The following MRC1 variants were observed in gnomAD, a reference collection of about 807,000 sequenced individuals.
MRC1 encodes mannose receptor C-type 1, also known as macrophage mannose receptor 1.
In MRC1, 62 loss-of-function variants were observed where a neutral mutation model predicts 102.9. The ratio of observed to expected loss-of-function variants is 0.60; its 90% CI spans 0.49 to 0.74. The LOEUF (loss-of-function observed/expected upper bound fraction) is 0.74, where lower values mean the gene tolerates loss of function less well. Among genes scored for constraint, MRC1 ranks in the 30% least tolerant of loss-of-function variants. MRC1 has a pLI of 0.00. For synonymous variants in MRC1, 457 were observed against 298.4 expected, an observed-to-expected ratio of 1.53 and a Z score of -5.48; for missense variants, 1,237 against 862.8, an observed-to-expected ratio of 1.43 and a Z score of -5.43.
At chr10:17,828,051 A>G (rs1838508265) in intron 3 of MRC1, among the ~76,000 whole-genome samples, 5 of 152,100 alleles carry the variant, frequency 3.3e-5, no homozygotes. Flanking sequence ...TGGTCCCAAC[A>G]TTCCCTCCAT....
intron 6 of MRC1, 72 bp downstream of exon 6, chr10:17,845,507 G>A: frequency 2.6e-6 from 2 of 772,484 alleles, no homozygotes; most frequent in Non-Finnish European, 4.8e-6. Flanking sequence ...CAGCTTAGGT[G>A]TAACTGTTGG....
Position 17,900,848 on chromosome 10 carries a change from G to C in MRC1, c.3544G>C (p.Asp1182His). ...WRVRYTNWAA[D>H]EPKLKSACVY... ...GGTGAGGTACACTAACTGGGCTGCT[G>C]ATGAGCCCAAATTGAAATCAGCATG... Residue 1182 changes from aspartate to histidine, a missense_variant, in exon 25 of 30, where the codon GAT becomes CAT. Transcript: ENST00000569591. 1 of 780,812 alleles carries C rather than the reference G, an allele frequency of 1.3e-6. No individual in the cohort carries two copies. The highest frequency in any genetic ancestry group is 1.3e-5 in the South Asian group (1 of 74,614). The allele number at this position is 780,812 out of a possible 1,614,324, so 48.4% of individuals were successfully genotyped here.
Position 17,904,610 on chromosome 10 carries a change from G to A in MRC1, c.3800-2276G>A, listed in dbSNP as rs1170317034. The stretch of plus-strand genomic sequence containing the variant: ...GTGGTAGGTGCAGATTTCTTTAAGT[G>A]CCTAGAACTAATGAAGTCTCCCAGG... On this transcript the variant is annotated intron_variant, in intron 26 of 29. Coordinates refer to ENST00000569591, the MANE Select transcript of MRC1 (RefSeq NM_002438.4). Among the ~76,000 whole-genome samples, 3 of 152,130 alleles carry A rather than the reference G, an allele frequency of 2.0e-5. No homozygotes were observed. In the East Asian group the frequency reaches 5.8e-4, roughly 29 times the overall value.
At chr10:17,828,913 G>C (rs1554838860) in intron 3 of MRC1, among the ~76,000 whole-genome samples, 1 of 151,302 alleles carries the variant, frequency 6.6e-6, no homozygotes, top group Middle Eastern at 3.2e-3. Context: ...GGCAGAGCTG[G>C]GGCTGAGGAA....
intron 3 of MRC1, among the ~76,000 whole-genome samples, chr10:17,830,900 A>ATT (rs35578287): frequency 5.9e-5 from 8 of 135,412 alleles, no homozygotes; most frequent in African/African-American, 1.8e-4. Context: ...ATATATATAT[A>ATT]TTTTTGGAGA....
chr10:17,859,395 G>A (rs955993505), intron 9 of MRC1, among the ~76,000 whole-genome samples: 106 of 152,178 alleles, frequency 7.0e-4, no homozygotes, highest in African/African-American at 2.3e-3. Context: ...TCGGCTCAGC[G>A]CAACCTCTAC....
chr10:17,872,055 G>A lies in MRC1; in HGVS notation c.2273G>A (p.Gly758Asp). The A allele has an allele frequency of 1.3e-6, 1 of 780,654 alleles. No individual in the cohort carries two copies. The highest frequency in any genetic ancestry group is 2.4e-6 in the Non-Finnish European group (1 of 417,854). The allele number at this position is 780,654 out of a possible 1,614,324, so 48.4% of individuals were successfully genotyped here. A position where few individuals can be genotyped will look rare whatever the true frequency, so the allele number is the denominator to read the frequency against. Residue 758 changes from glycine (G) to aspartate (D), a missense_variant, in exon 15 of 30, where the codon GGT (glycine) becomes GAT (aspartate). Transcript: ENST00000569591. The stretch of plus-strand genomic sequence containing the variant: ...GTTGAATACTGTGGTGAGCTGAAAG[G>A]TGACCCTACTATGTCTTGGAATGAT... ...QNVEYCGELK[G>D]DPTMSWNDIN...
chr10:17,835,914 G>T (rs953426106), intron 4 of MRC1, among the ~76,000 whole-genome samples: 76 of 152,340 alleles, frequency 5.0e-4, no homozygotes, highest in Non-Finnish European at 9.1e-4. Context: ...GCAGCTGGTT[G>T]AAAGACCATA....
intron 17 of MRC1, among the ~76,000 whole-genome samples, chr10:17,876,807 C>A (rs1833443568): frequency 6.6e-6 from 1 of 152,020 alleles, no homozygotes; most frequent in African/African-American, 2.4e-5. Flanking sequence ...AATTGTGATA[C>A]CATTGATATA....
intron 12 of MRC1, among the ~76,000 whole-genome samples, chr10:17,868,061 A>G (rs1833302350): frequency 6.6e-6 from 1 of 152,184 alleles, no homozygotes; most frequent in South Asian, 2.1e-4. Context: ...CAAACAGACA[A>G]AAAAAGAAAC....
chr10:17,854,695 A>G, intron 8 of MRC1: 1 of 219,450 alleles, frequency 4.6e-6, no homozygotes, highest in Non-Finnish European at 9.2e-6. Context: ...TTATTTATTT[A>G]TTTATTTATT....
In MRC1 at chr10:17,901,689, CA is replaced by C. The variant is rs35703196; in HGVS notation, c.3650-271del. Among the ~76,000 whole-genome samples, 296 of 136,842 alleles carry C rather than the reference CA, an allele frequency of 2.2e-3. 2 individuals are homozygous for C. Among genetic ancestry groups the C allele is most frequent in the South Asian group, 5.2e-3 (22 of 4,214 alleles). The allele number at this position is 136,842 out of a possible 152,430, so 89.8% of individuals were successfully genotyped here. On this transcript the variant is annotated intron_variant, in intron 25 of 29. Coordinates refer to ENST00000569591, the MANE Select transcript of MRC1 (RefSeq NM_002438.4). ...GGGGGACAGGAGCAAGACTTCGTCTCAAAAAAAAAAAAATTATCTTTGTAGG... is the reference window on the plus strand; with the variant it reads ...GGGGGACAGGAGCAAGACTTCGTCTCAAAAAAAAAAAATTATCTTTGTAGG...
In MRC1 at chr10:17,864,599, C is replaced by T. The variant is rs1485148974; in HGVS notation, c.1783+917C>T. On this transcript the variant is annotated intron_variant, in intron 11 of 29. Transcript: ENST00000569591. ...ATCTCAACACTTTGGGAGGCAGAGG[C>T]GGGCAGATCACCTGAGGTCAGTAGT... Among the ~76,000 whole-genome samples, 4 of 151,876 alleles carry T rather than the reference C, an allele frequency of 2.6e-5. No homozygotes were observed. The South Asian group carries it at 6.2e-4, about 24-fold the overall frequency.
At chr10:17,888,434 T>C (rs918458779) in intron 22 of MRC1, among the ~76,000 whole-genome samples, 2 of 152,208 alleles carry the variant, frequency 1.3e-5, no homozygotes, top group Non-Finnish European at 2.9e-5. Flanking sequence ...GGGTTAAAGA[T>C]GTGCTGACTT....
chr10:17,872,004 A>G lies in MRC1; in HGVS notation c.2222A>G (p.Tyr741Cys), dbSNP rs1441085003. The G allele has an allele frequency of 1.3e-6, 1 of 780,522 alleles. No individual in the cohort carries two copies. The highest frequency in any genetic ancestry group is 1.7e-5 in the African/African-American group (1 of 59,130). The allele number at this position is 780,522 out of a possible 1,614,324, so 48.3% of individuals were successfully genotyped here. Reference protein sequence around the residue: ...GSPVSYENWAYGEPNNYQNVE... With the variant: ...GSPVSYENWACGEPNNYQNVE... ...TAGGTTTCATATGAAAACTGGGCTT[A>G]TGGAGAACCTAATAATTATCAAAAT... Residue 741 changes from tyrosine (Y) to cysteine (C), a missense_variant, in exon 15 of 30, where the codon TAT becomes TGT. By Grantham distance (194) the Tyr-to-Cys change is radical. Transcript: ENST00000569591.
intron 8 of MRC1, among the ~76,000 whole-genome samples, chr10:17,854,231 C>T (rs1833043904): frequency 6.6e-6 from 1 of 152,158 alleles, no homozygotes; most frequent in Non-Finnish European, 1.5e-5. Context: ...AGGTTACAGG[C>T]GTGAGCCACT....
chr10:17,844,985 GA>G, intron 5 of MRC1: 1 of 593,918 alleles, frequency 1.7e-6, no homozygotes, highest in Admixed American at 2.1e-5. Flanking sequence ...AATCCGTTGT[GA>G]CAACTGTTCA....
At chr10:17,815,700 A>C (rs1838300344) in intron 1 of MRC1, among the ~76,000 whole-genome samples, 1 of 152,234 alleles carries the variant, frequency 6.6e-6, no homozygotes, top group Non-Finnish European at 1.5e-5. Flanking sequence ...GTACTTTTCC[A>C]AATGGCCAGT....
At chr10:17,873,716 C>T (rs1180599480) in intron 15 of MRC1, 68 bp from the exon 16 acceptor site, 1 of 845,740 alleles carries the variant, frequency 1.2e-6, no homozygotes, top group Non-Finnish European at 2.1e-6. Flanking sequence ...AAAATAGTGA[C>T]AATAGAAGGA....
Sources: gnomAD v4.1 joint callset for allele counts (sites outside exome capture counted in the v4.1 genomes callset) on GRCh38, gnomAD v4.1.1 for gene constraint, MANE v1.5 for transcripts, NCBI Gene and HGNC (gene_info 2026-07-23, HGNC 2026-07-21) for gene names.